Variants in FDX1 observed in about 807,000 individuals in gnomAD.
FDX1 encodes the protein adrenodoxin, mitochondrial.
Under a neutral mutation model 14.9 loss-of-function variants are expected in FDX1, and 9 were observed. That is an observed-to-expected ratio of 0.60 (90% CI 0.36 to 1.05). The LOEUF (loss-of-function observed/expected upper bound fraction) is 1.05, where lower values mean the gene tolerates loss of function less well. FDX1 is among the 50% of genes least tolerant of loss of function. The probability of loss-of-function intolerance (pLI) is 0.01; values close to 1 mark genes in which losing one functional copy is unlikely to be tolerated. For synonymous variants in FDX1, 92 were observed against 99.4 expected (o/e 0.93, Z 0.44); for missense variants, 204 against 237.2 (o/e 0.86, Z 0.92).
chr11:110,431,479 C>G (rs1465497369), intron 1 of FDX1, among the ~76,000 whole-genome samples: 1 of 152,122 alleles, frequency 6.6e-6, no homozygotes, highest in Non-Finnish European at 1.5e-5. Flanking sequence ...CCCACTAATC[C>G]CGTTATCTAG....
At chr11:110,433,293 C>T (rs1307016270) in intron 1 of FDX1, among the ~76,000 whole-genome samples, 1 of 152,216 alleles carries the variant, frequency 6.6e-6, no homozygotes, top group African/African-American at 2.4e-5. Context: ...GGTGTTTGGA[C>T]ATTCTCATCT....
intron 2 of FDX1, among the ~76,000 whole-genome samples, chr11:110,453,074 C>A (rs897466122): frequency 6.6e-6 from 1 of 152,196 alleles, no homozygotes; most frequent in African/African-American, 2.4e-5. Context: ...CGGTGGCTCA[C>A]GCCTGTAACC....
chr11:110,444,325 G>A (rs569430139), intron 2 of FDX1, among the ~76,000 whole-genome samples: 1 of 152,064 alleles, frequency 6.6e-6, no homozygotes, highest in South Asian at 2.1e-4. Flanking sequence ...CTTAAAAAGA[G>A]TAAGTGCTGT....
intron 2 of FDX1, among the ~76,000 whole-genome samples, chr11:110,447,415 C>A (rs1158976263): frequency 6.6e-6 from 1 of 151,904 alleles, no homozygotes; most frequent in Non-Finnish European, 1.5e-5. Flanking sequence ...GATTGCACCA[C>A]TGTACTCCAG....
chr11:110,458,648 C>T (rs948083570), intron 3 of FDX1, among the ~76,000 whole-genome samples: 1 of 151,826 alleles, frequency 6.6e-6, no homozygotes, highest in African/African-American at 2.4e-5. Context: ...TGCTTTGTCA[C>T]CCTTGCTGGA....
chr11:110,444,072 C>A (rs1258662161), intron 2 of FDX1, among the ~76,000 whole-genome samples: 1 of 151,976 alleles, frequency 6.6e-6, no homozygotes, highest in Non-Finnish European at 1.5e-5. Context: ...TTAATTAGAT[C>A]CCACTTACCA....
At chr11:110,456,221 C>A (rs1371556457) in intron 2 of FDX1, among the ~76,000 whole-genome samples, 1 of 152,090 alleles carries the variant, frequency 6.6e-6, no homozygotes. Context: ...TTTCTAGTTC[C>A]TCTTATATAC....
intron 3 of FDX1, among the ~76,000 whole-genome samples, chr11:110,458,987 A>G (rs1946540440): frequency 6.6e-6 from 1 of 151,960 alleles, no homozygotes. Flanking sequence ...TTTTTTTCAT[A>G]CTGGTTACCT....
intron 2 of FDX1, among the ~76,000 whole-genome samples, chr11:110,443,174 G>A (rs1946416144): frequency 6.6e-6 from 1 of 151,988 alleles, no homozygotes; most frequent in Admixed American, 6.6e-5. Flanking sequence ...AATACAATTG[G>A]TTACATAGTT....
At chr11:110,457,936 T>C (rs1946532601) in intron 3 of FDX1, among the ~76,000 whole-genome samples, 1 of 152,178 alleles carries the variant, frequency 6.6e-6, no homozygotes, top group African/African-American at 2.4e-5. Context: ...CTGATAACCC[T>C]GGGAAGAGAA....
intron 2 of FDX1, among the ~76,000 whole-genome samples, chr11:110,437,096 A>G (rs1399131522): frequency 6.6e-6 from 1 of 152,162 alleles, no homozygotes; most frequent in African/African-American, 2.4e-5. Context: ...CCTGGACTCA[A>G]GTGATCCTCC....
Position 110,456,341 on chromosome 11 carries a change from A to G in FDX1, c.311-577A>G, listed in dbSNP as rs147572581. Among the ~76,000 whole-genome samples, 254 of 152,136 alleles carry G rather than the reference A, an allele frequency of 1.7e-3. 1 individual carries two copies. The highest frequency in any genetic ancestry group is 5.8e-3 in the African/African-American group (240 of 41,500). ...ATTAACTTGTAAGCTCTCTATTAGGACTATATTTTCATAGGTATTCCTTCA... is the reference window on the plus strand; with the variant it reads ...ATTAACTTGTAAGCTCTCTATTAGGGCTATATTTTCATAGGTATTCCTTCA... On this transcript the variant is annotated intron_variant, in intron 2 of 3. Coordinates refer to ENST00000260270, the MANE Select transcript of FDX1 (RefSeq NM_004109.5).
chr11:110,451,386 G>A (rs947116326), intron 2 of FDX1, among the ~76,000 whole-genome samples: 4 of 152,106 alleles, frequency 2.6e-5, no homozygotes, highest in Non-Finnish European at 1.5e-5. Context: ...TTTTTAAAGA[G>A]ACAGGGTCTC....
intron 2 of FDX1, among the ~76,000 whole-genome samples, chr11:110,438,666 C>T (rs931442690): frequency 2.0e-5 from 3 of 151,792 alleles, no homozygotes; most frequent in East Asian, 1.9e-4. Context: ...TTAGTTTTGC[C>T]GCATTGACCA....
rs71476086 is a variant in FDX1, at chr11:110,434,334, A to ATTTGC, written c.186-1497_186-1496insGCTTT. Reference sequence around the variant, plus strand: ...CACTGGAAAAGCAATCGCCCTATTGATTTTTTTTTTTTTTTTTTTGGAGAC... The same window carrying ATTTGC: ...CACTGGAAAAGCAATCGCCCTATTGATTTGCTTTTTTTTTTTTTTTTTTTGGAGAC... On this transcript the variant is annotated intron_variant, in intron 1 of 3. Coordinates refer to ENST00000260270, the MANE Select transcript of FDX1 (RefSeq NM_004109.5). Among the ~76,000 whole-genome samples the ATTTGC allele has an allele frequency of 2.8e-4, 35 of 126,378 alleles. 3 individuals carry two copies. The highest frequency in any genetic ancestry group is 6.9e-4 in the African/African-American group (23 of 33,094). 82.9% of individuals were successfully genotyped at this position (126,378 alleles called of 152,430 possible). A position where few individuals can be genotyped will look rare whatever the true frequency, so the allele number is the denominator to read the frequency against.
chr11:110,437,816 C>A (rs999657261), intron 2 of FDX1, among the ~76,000 whole-genome samples: 3 of 152,136 alleles, frequency 2.0e-5, no homozygotes, highest in African/African-American at 7.2e-5. Context: ...TGGTAGTGCC[C>A]AGTATCTACT....
chr11:110,434,491 C>T (rs1336847527), intron 1 of FDX1, among the ~76,000 whole-genome samples: 1 of 151,920 alleles, frequency 6.6e-6, no homozygotes, highest in African/African-American at 2.4e-5. Flanking sequence ...CATGTACCAC[C>T]ATGCCTAATT....
At position 110,462,354 on chromosome 11, in the gene FDX1, A is replaced by G; in HGVS notation, c.441A>G (p.Arg147=). 1 of 1,597,872 alleles carries G rather than the reference A, an allele frequency of 6.3e-7. No individual in the cohort carries two copies. Residue 147 remains arginine (R), a splice_region_variant and synonymous_variant, in exon 4 of 4, where the codon AGA becomes AGG. Transcript: ENST00000260270. ...MLDLAYGLTD[R]SRLGCQICLT... is the part of the protein sequence containing the mutation. ...CATACCTTCCCCCTTTTCCATACAGATCACGGTTGGGCTGCCAAATCTGTT... is the reference window on the plus strand; with the variant it reads ...CATACCTTCCCCCTTTTCCATACAGGTCACGGTTGGGCTGCCAAATCTGTT...
At chr11:110,435,728 A>G in intron 1 of FDX1, 106 bp from the exon 2 acceptor site, 2 of 738,884 alleles carry the variant, frequency 2.7e-6, no homozygotes, top group Non-Finnish European at 4.2e-6. Flanking sequence ...GGTGCTGGGC[A>G]CCTGTATTCC....
Sources: gnomAD v4.1 joint callset for allele counts (sites outside exome capture counted in the v4.1 genomes callset) on GRCh38, gnomAD v4.1.1 for gene constraint, MANE v1.5 for transcripts, NCBI Gene and HGNC (gene_info 2026-07-23, HGNC 2026-07-21) for gene names.